HPN: variants seen among roughly 807,000 people sequenced by gnomAD.
The protein encoded by HPN is serine protease hepsin.
A neutral mutation model predicts 55.9 loss-of-function variants in HPN; 13 were observed. That is an observed-to-expected ratio of 0.23 (90% CI 0.15 to 0.37). The LOEUF is 0.37. HPN is among the 10% of genes least tolerant of loss of function. The pLI is 1.00. For synonymous variants in HPN, 225 were observed against 240.3 expected, an observed-to-expected ratio of 0.94 and a Z score of 0.59; for missense variants, 451 against 575.8, an observed-to-expected ratio of 0.78 and a Z score of 2.22.
intron 9 of HPN, 72 bp downstream of exon 9, chr19:35,060,889 C>A: frequency 7.7e-7 from 1 of 1,296,304 alleles, no homozygotes; most frequent in Non-Finnish European, 1.1e-6. Context: ...ACCAGGGGCA[C>A]AAGGCAATCA....
At chr19:35,064,115 T>C in intron 9 of HPN, among the ~76,000 whole-genome samples, 1 of 150,944 alleles carries the variant, frequency 6.6e-6, no homozygotes, top group South Asian at 2.1e-4. Flanking sequence ...CCATTCTACA[T>C]CTGAGAGCTC....
chr19:35,046,369 C>T lies in HPN; in HGVS notation c.17-2921C>T, dbSNP rs570231386. Among the ~76,000 whole-genome samples the T allele has an allele frequency of 3.3e-5, 5 of 152,172 alleles. No individual in the cohort carries two copies. In the South Asian group the frequency reaches 6.2e-4, roughly 19 times the overall value. ...AAGCGATTCTCCTGCCTCAGCTTCC[C>T]GAGTAGCTGGGACTATAGGCGCCCG... On this transcript the variant is annotated intron_variant, in intron 2 of 12. Transcript: ENST00000672452.
At chr19:35,051,316 C>T (rs2064403038) in intron 4 of HPN, among the ~76,000 whole-genome samples, 1 of 151,900 alleles carries the variant, frequency 6.6e-6, no homozygotes, top group Non-Finnish European at 1.5e-5. Flanking sequence ...ACCATGTTGG[C>T]CAGGATGGTC....
At chr19:35,059,278 A>C in intron 4 of HPN, 1 of 349,862 alleles carries the variant, frequency 2.9e-6, no homozygotes, top group South Asian at 2.2e-5. Context: ...CCTGGGCAAC[A>C]TAGCAAGACC....
At chr19:35,041,486 C>T (rs1253816820), upstream of HPN, among the ~76,000 whole-genome samples, 3 of 152,098 alleles carry the variant, frequency 2.0e-5, no homozygotes, top group African/African-American at 7.2e-5. Flanking sequence ...CTTCAGCCTG[C>T]ACTTTCTCCC....
rs559286671 is a variant in HPN at position 35,053,304 on chromosome 19, C to T, written c.160+3788C>T. On this transcript the variant is annotated intron_variant, in intron 4 of 12. Coordinates refer to ENST00000672452, the MANE Select transcript of HPN (RefSeq NM_001384133.1). ...CTTTCTGGAAATCACATTTCCAGAGCAGTTAACAGTCATTTTAAAATAAGA... is the reference window on the plus strand; with the variant it reads ...CTTTCTGGAAATCACATTTCCAGAGTAGTTAACAGTCATTTTAAAATAAGA... 1.3e-4 allele frequency among the ~76,000 whole-genome samples: 20 copies of T among 152,150 alleles called. No homozygotes were observed. The South Asian group carries it at 3.9e-3, about 30-fold the overall frequency.
rs779743584 is a variant in HPN, at chr19:35,066,253, A to G, written c.1220A>G (p.His407Arg). Residue 407 changes from histidine (H) to arginine (R), a missense_variant, in exon 13 of 13, where the codon CAC (histidine) becomes CGC (arginine). This residue lies in a region of HPN where 73 missense variants were observed against 130.3 expected (regional missense o/e 0.56). Transcript: ENST00000672452. ...CCCCCAGCTGTCTTTCCCCAGACTC[A>G]CTCCGAAGCCAGCGGCATGGTGACC... ...REWIFQAIKTHSEASGMVTQL is the reference protein window; with the variant it reads ...REWIFQAIKTRSEASGMVTQL 1.9e-6 allele frequency: 3 copies of G among 1,613,806 alleles called. No individual in the cohort carries two copies. Among genetic ancestry groups the G allele is most frequent in the Admixed American group, 1.7e-5 (1 of 59,998 alleles).
intron 2 of HPN, among the ~76,000 whole-genome samples, chr19:35,044,407 G>A (rs1041291960): frequency 1.3e-4 from 20 of 152,138 alleles, no homozygotes; most frequent in African/African-American, 4.8e-4. Context: ...GTAGCCAATT[G>A]TGGTATTTCT....
At chr19:35,042,004 C>T (rs768546047) in intron 1 of HPN, 132 bp downstream of exon 1, 157 of 1,174,316 alleles carry the variant, frequency 1.3e-4, no homozygotes, top group Middle Eastern at 7.3e-4. Flanking sequence ...ACTATGACGT[C>T]CCCCCAAGCA....
chr19:35,049,417 C>A (rs767330302), intron 3 of HPN, 26 bp downstream of exon 3: 1 of 1,609,760 alleles, frequency 6.2e-7, no homozygotes. Flanking sequence ...GTGCCTCTGA[C>A]CTCCCCTGGC....
At chr19:35,042,409 G>A in intron 1 of HPN, 44 bp from the exon 2 acceptor site, 4 of 1,526,448 alleles carry the variant, frequency 2.6e-6, no homozygotes, top group Non-Finnish European at 3.5e-6. Context: ...ACTGGGCTGG[G>A]CTGGGCTCCC....
At chr19:35,055,387 A>G (rs1204161169) in intron 4 of HPN, among the ~76,000 whole-genome samples, 25 of 107,604 alleles carry the variant, frequency 2.3e-4, no homozygotes, top group Non-Finnish European at 1.7e-4. Flanking sequence ...GTGGAGCGAG[A>G]CCCTGTCTCA....
At position 35,059,978 on chromosome 19, in the gene HPN, T is replaced by C; in HGVS notation, c.395T>C (p.Leu132Pro). 1 of 1,568,312 alleles carries C rather than the reference T, an allele frequency of 6.4e-7. No homozygotes were observed. Among genetic ancestry groups the C allele is most frequent in the East Asian group, 2.3e-5 (1 of 44,442 alleles). ...AGGCTGCCCCACACCCAGAGGCTGC[T>C]GGAGGTCATCTCCGTGTGGTGAGGA... Reference protein sequence around the residue: ...EGRLPHTQRLLEVISVCDCPR... With the variant: ...EGRLPHTQRLPEVISVCDCPR... Residue 132 changes from leucine to proline, a missense_variant, in exon 6 of 13, where the codon CTG (leucine) becomes CCG (proline). Transcript: ENST00000672452.
chr19:35,060,850 G>A (rs763446804), intron 9 of HPN, 33 bp downstream of exon 9: 1 of 1,526,118 alleles, frequency 6.6e-7, no homozygotes, highest in Non-Finnish European at 8.8e-7. Flanking sequence ...GGGGCTTGAG[G>A]ACCCGAGGCC....
intron 4 of HPN, among the ~76,000 whole-genome samples, chr19:35,049,857 G>GTTT (rs1245207536): frequency 1.2e-5 from 1 of 82,706 alleles, no homozygotes; most frequent in African/African-American, 4.5e-5. Flanking sequence ...GCTAATTTTT[G>GTTT]TTTGTTTTTT....
intron 2 of HPN, among the ~76,000 whole-genome samples, 195 bp from the exon 3 acceptor site, chr19:35,049,095 G>C (rs2064375918): frequency 6.6e-6 from 1 of 152,218 alleles, no homozygotes; most frequent in Non-Finnish European, 1.5e-5. Flanking sequence ...CCCTGGGGGA[G>C]CTGGGCACCT....
At chr19:35,047,864 G>T (rs1008488174) in intron 2 of HPN, among the ~76,000 whole-genome samples, 49 of 151,864 alleles carry the variant, frequency 3.2e-4, no homozygotes, top group African/African-American at 1.2e-3. Flanking sequence ...ATGTGTGGTG[G>T]TGTGCGCCTA....
intron 4 of HPN, among the ~76,000 whole-genome samples, chr19:35,052,695 C>T (rs1271362109): frequency 1.3e-5 from 2 of 152,168 alleles, no homozygotes; most frequent in Non-Finnish European, 2.9e-5. Flanking sequence ...ATGGTGTGTC[C>T]CTGCCACCCC....
chr19:35,056,563 C>T (rs797011861), intron 4 of HPN, among the ~76,000 whole-genome samples: 34 of 152,278 alleles, frequency 2.2e-4, no homozygotes, highest in African/African-American at 8.2e-4. Flanking sequence ...CCCAACCAGC[C>T]CCAGACATGA....
Sources: allele counts gnomAD v4.1 joint callset (sites outside exome capture counted in the v4.1 genomes callset), GRCh38; gene constraint gnomAD v4.1.1; regional missense constraint gnomAD v4.1.1; transcripts MANE v1.5; gene names NCBI Gene and HGNC (gene_info 2026-07-23, HGNC 2026-07-21).